PREX1: variants seen among roughly 807,000 people sequenced by gnomAD.
PREX1 encodes the protein phosphatidylinositol-3,4,5-trisphosphate dependent Rac exchange factor 1.
A neutral mutation model predicts 198.3 loss-of-function variants in PREX1; 41 were observed. The ratio of observed to expected loss-of-function variants is 0.21; its 90% CI spans 0.16 to 0.27. PREX1 has a LOEUF of 0.27. PREX1 is among the 10% of genes least tolerant of loss of function. The probability of loss-of-function intolerance (pLI) is 1.00; values close to 1 mark genes in which losing one functional copy is unlikely to be tolerated. For missense variants in PREX1, 1,620 were observed against 2,200.7 expected (o/e 0.74, Z 5.28); for synonymous variants, 843 against 887.2 (o/e 0.95, Z 0.89).
At chr20:48,728,520 T>C (rs2090019549) in intron 4 of PREX1, among the ~76,000 whole-genome samples, 1 of 152,176 alleles carries the variant, frequency 6.6e-6, no homozygotes, top group African/African-American at 2.4e-5. Context: ...CCCCCACCAG[T>C]GTTTACCCCT....
chr20:48,729,925 A>G (rs868858993), intron 4 of PREX1, among the ~76,000 whole-genome samples: 1 of 152,190 alleles, frequency 6.6e-6, no homozygotes, highest in African/African-American at 2.4e-5. Context: ...CCTAAATCCA[A>G]TGACTCATGT....
Position 48,827,770 on chromosome 20 carries a change from T to G in PREX1, c.91A>C (p.Ser31Arg). ...GCCGCGCACGGGCCGGGGCCGGAGC[T>G]GGGCGCCGCGGCGCCAGGGGCCCGG... ...DPRAPGAAAPSSGPGPCAAAR... is the reference protein window; with the variant it reads ...DPRAPGAAAPRSGPGPCAAAR... The change falls in exon 1 of 40, where the codon AGC becomes CGC. Residue 31 changes from serine (S) to arginine (R), a missense_variant. By Grantham distance (110) the Ser-to-Arg change is moderately radical (BLOSUM62 -1). Around this residue, in one of 7 missense-constraint regions of PREX1, gnomAD observed 96 missense variants for 98.7 expected, o/e 0.97. Transcript: ENST00000371941. This position sits in a 1 kb window ranked among gnomAD's most constrained non-coding sequence, Gnocchi z 4.1. The G allele has an allele frequency of 2.6e-6, 3 of 1,156,846 alleles. No individual in the cohort carries two copies. The highest frequency in any genetic ancestry group is 3.2e-6 in the Non-Finnish European group (3 of 934,184). The allele number at this position is 1,156,846 out of a possible 1,614,324, so 71.7% of individuals were successfully genotyped here.
the PREX1 span, among the ~76,000 whole-genome samples, chr20:48,857,015 T>C: frequency 6.6e-6 from 1 of 152,218 alleles, no homozygotes; most frequent in South Asian, 2.1e-4. Flanking sequence ...AATTTTTGTA[T>C]TTTAGTAGAG....
At chr20:48,736,710 T>A (rs1365301275) in intron 3 of PREX1, among the ~76,000 whole-genome samples, 1 of 152,144 alleles carries the variant, frequency 6.6e-6, no homozygotes, top group African/African-American at 2.4e-5. Context: ...CAGACTGTGG[T>A]GATGCAGGCT....
chr20:48,653,833 C>T (rs139786641), intron 19 of PREX1, among the ~76,000 whole-genome samples: 1 of 152,202 alleles, frequency 6.6e-6, no homozygotes, highest in Non-Finnish European at 1.5e-5. Flanking sequence ...TGGCAGAAAG[C>T]GTGATGGGCT....
chr20:48,879,729 C>T, the PREX1 span, among the ~76,000 whole-genome samples: 1 of 152,190 alleles, frequency 6.6e-6, no homozygotes, highest in Non-Finnish European at 1.5e-5. Context: ...ACTATGTAAC[C>T]TCTTCTGATC....
Position 48,629,625 on chromosome 20 carries a change from T to C in PREX1, c.4594-4A>G. On this transcript the variant is annotated splice_polypyrimidine_tract_variant and splice_region_variant and intron_variant, in intron 36 of 39. Coordinates refer to ENST00000371941, the MANE Select transcript of PREX1 (RefSeq NM_020820.4). ...GGGCATTGATGGGGCGGATCAGCTG[T>C]AGGGGGTACCACACATAACCGGGGA... 4.3e-6 allele frequency: 7 copies of C among 1,613,818 alleles called. No individual in the cohort carries two copies. Among genetic ancestry groups the C allele is most frequent in the Non-Finnish European group, 5.1e-6 (6 of 1,179,832 alleles).
chr20:48,806,690 AGC>A (rs2090413225), intron 1 of PREX1, among the ~76,000 whole-genome samples: 1 of 152,228 alleles, frequency 6.6e-6, no homozygotes, highest in South Asian at 2.1e-4. Flanking sequence ...ATAACATACC[AGC>A]GCCTCTCAGA....
At chr20:48,752,987 A>G (rs745316220) in intron 1 of PREX1, among the ~76,000 whole-genome samples, 3 of 152,150 alleles carry the variant, frequency 2.0e-5, no homozygotes, top group Non-Finnish European at 4.4e-5. Context: ...ATGGGTATAC[A>G]AGTTCCTCTA....
rs536280366 is a variant in PREX1, at chr20:48,744,979, C to G, written c.414+46G>C. The G allele has an allele frequency of 8.1e-6, 13 of 1,603,336 alleles. 1 individual carries two copies. In the South Asian group the frequency reaches 1.2e-4, roughly 15 times the overall value. ...GGGCAGGGACCCAGGGAGAAGCCCA[C>G]TTTTCAAAAACTAGAGTCCACCAGG... On this transcript the variant is annotated intron_variant, in intron 3 of 39. Transcript: ENST00000371941.
the PREX1 span, among the ~76,000 whole-genome samples, chr20:48,833,706 T>G: frequency 1.3e-5 from 2 of 152,154 alleles, no homozygotes; most frequent in Admixed American, 6.5e-5. Flanking sequence ...CCTCCCAAAA[T>G]GCTGGGATTA....
At chr20:48,806,263 T>C (rs2090411397) in intron 1 of PREX1, among the ~76,000 whole-genome samples, 1 of 152,196 alleles carries the variant, frequency 6.6e-6, no homozygotes, top group African/African-American at 2.4e-5. Context: ...ACAAAGATCT[T>C]TGTCCATTCA....
chr20:48,632,714 A>T, intron 33 of PREX1, 75 bp from the exon 34 acceptor site: 4 of 1,537,762 alleles, frequency 2.6e-6, no homozygotes, highest in Non-Finnish European at 3.6e-6. Context: ...ACCTCTCCAG[A>T]ACAGCTGGCA....
rs1424436250 is a variant in PREX1 at position 48,726,409 on chromosome 20, A to T, written c.520-18T>A. 2.5e-6 allele frequency: 4 copies of T among 1,594,610 alleles called. No homozygotes were observed. Among genetic ancestry groups the T allele is most frequent in the Non-Finnish European group, 3.4e-6 (4 of 1,165,380 alleles). ...ATGCAGCTCTGCAAAGGGACAGGAG[A>T]CCTTCATGAAACCCACCAAGGATAG... On this transcript the variant is annotated intron_variant, in intron 4 of 39. Transcript: ENST00000371941.
chr20:48,813,333 C>G (rs962122537), intron 1 of PREX1, among the ~76,000 whole-genome samples: 7 of 152,202 alleles, frequency 4.6e-5, no homozygotes, highest in Non-Finnish European at 8.8e-5. Flanking sequence ...TGGAGACTCT[C>G]TACTGAGGAC....
chr20:48,834,897 C>T, the PREX1 span, among the ~76,000 whole-genome samples: 1 of 152,112 alleles, frequency 6.6e-6, no homozygotes, highest in Non-Finnish European at 1.5e-5. Context: ...TGTTGGATTA[C>T]AGGCACCTGC....
chr20:48,832,634 T>C (rs6095323), upstream of PREX1, among the ~76,000 whole-genome samples: 46,238 of 151,992 alleles, frequency 0.3, 7,215 homozygotes, highest in Non-Finnish European at 0.33. Flanking sequence ...GCTGGACAAC[T>C]CAAATCAACG....
chr20:48,796,676 A>G (rs966695929), intron 1 of PREX1, among the ~76,000 whole-genome samples: 2 of 150,942 alleles, frequency 1.3e-5, no homozygotes, highest in Non-Finnish European at 3.0e-5. Flanking sequence ...TATGTGTCGT[A>G]CATCATATAT....
chr20:48,833,827 T>A, the PREX1 span, among the ~76,000 whole-genome samples: 1 of 152,254 alleles, frequency 6.6e-6, no homozygotes, highest in South Asian at 2.1e-4. Flanking sequence ...CTCACACCTG[T>A]AATCCCAGCA....
Sources: allele counts gnomAD v4.1 joint callset (sites outside exome capture counted in the v4.1 genomes callset), GRCh38; gene constraint gnomAD v4.1.1; regional missense constraint gnomAD v4.1.1; non-coding constraint Gnocchi (gnomAD v3.1); transcripts MANE v1.5; gene names NCBI Gene and HGNC (gene_info 2026-07-23, HGNC 2026-07-21).